Variants in EHBP1 observed in about 807,000 individuals in gnomAD.
The protein encoded by EHBP1 is EH domain-binding protein 1.
In EHBP1, 55 loss-of-function variants were observed where a neutral mutation model predicts 144.0. The observed-to-expected ratio is 0.38, with a 90% CI of 0.31 to 0.48. The LOEUF is 0.48. Among genes scored for constraint, EHBP1 ranks in the 20% least tolerant of loss-of-function variants. The pLI is 0.98. For missense variants in EHBP1, 1,200 were observed against 1,364.2 expected, an observed-to-expected ratio of 0.88 and a Z score of 1.90; for synonymous variants, 469 against 472.7, an observed-to-expected ratio of 0.99 and a Z score of 0.10.
rs138047707 is a variant in EHBP1, at chr2:62,800,490, T to G, written c.313-25597T>G. Among the ~76,000 whole-genome samples the G allele has an allele frequency of 3.8e-4, 58 of 152,324 alleles. No homozygotes were observed. In the East Asian group the frequency reaches 0.011, roughly 29 times the overall value. On this transcript the variant is annotated intron_variant, in intron 5 of 22. Coordinates refer to ENST00000431489, the MANE Select transcript of EHBP1 (RefSeq NM_001142616.3). ...TCCTAAGATTTGCTGGTTAAATAAT[T>G]ATAAAGACCATTGGATTGTGTTTTA...
chr2:63,037,502 G>T, intron 19 of EHBP1, 33 bp from the exon 20 acceptor site: 1 of 1,452,404 alleles, frequency 6.9e-7, no homozygotes. Context: ...TTTTAACATC[G>T]TATAGTAAAA....
intron 21 of EHBP1, among the ~76,000 whole-genome samples, chr2:63,043,126 T>C (rs1240549077): frequency 6.6e-6 from 1 of 152,144 alleles, no homozygotes; most frequent in African/African-American, 2.4e-5. Flanking sequence ...TTAGACTAGA[T>C]GACCTTTAAG....
intron 10 of EHBP1, among the ~76,000 whole-genome samples, chr2:62,914,958 T>C (rs1271500958): frequency 6.6e-6 from 1 of 152,076 alleles, no homozygotes; most frequent in Non-Finnish European, 1.5e-5. Flanking sequence ...TAAAATGGCC[T>C]AAGTATTGCC....
At chr2:62,757,426 C>CTTTTTTTTTTTTTTTTTTTTT (rs555494268) in intron 3 of EHBP1, among the ~76,000 whole-genome samples, 1 of 113,036 alleles carries the variant, frequency 8.8e-6, no homozygotes, top group Non-Finnish European at 1.8e-5. Context: ...TTTTTTTTTT[C>CTTTTTTTTTTTTTTTTTTTTT]TTTTTTTTTT....
intron 19 of EHBP1, among the ~76,000 whole-genome samples, chr2:63,017,314 G>A (rs752670469): frequency 1.3e-5 from 2 of 152,102 alleles, no homozygotes; most frequent in South Asian, 2.1e-4. Context: ...ATGAGCCACC[G>A]TCCCCGGCCC....
At chr2:62,964,397 A>G (rs1430418158) in intron 14 of EHBP1, among the ~76,000 whole-genome samples, 2 of 152,202 alleles carry the variant, frequency 1.3e-5, no homozygotes, top group Admixed American at 1.3e-4. Flanking sequence ...GAATATCACC[A>G]TTACTAAAGC....
At chr2:62,904,997 A>G (rs1026646141) in intron 10 of EHBP1, among the ~76,000 whole-genome samples, 2 of 152,228 alleles carry the variant, frequency 1.3e-5, no homozygotes. Context: ...GTCTTCAGAT[A>G]TGATCAGAAA....
intron 9 of EHBP1, among the ~76,000 whole-genome samples, chr2:62,866,739 C>A (rs2050074568): frequency 6.6e-6 from 1 of 152,044 alleles, no homozygotes; most frequent in South Asian, 2.1e-4. Flanking sequence ...AACTGTGGAA[C>A]AACTTCAGTG....
At chr2:63,029,711 T>A (rs1468682927) in intron 19 of EHBP1, among the ~76,000 whole-genome samples, 1 of 152,114 alleles carries the variant, frequency 6.6e-6, no homozygotes, top group Non-Finnish European at 1.5e-5. Context: ...CAATTTTTTT[T>A]AAAAGCTAAA....
chr2:62,857,342 G>A (rs1264216806), intron 7 of EHBP1, among the ~76,000 whole-genome samples: 1 of 152,140 alleles, frequency 6.6e-6, no homozygotes, highest in Non-Finnish European at 1.5e-5. Context: ...ACAATACCAT[G>A]TTTGTTTTTG....
intron 14 of EHBP1, among the ~76,000 whole-genome samples, chr2:62,976,676 C>T (rs1489095468): frequency 2.0e-5 from 3 of 151,990 alleles, no homozygotes; most frequent in African/African-American, 7.3e-5. Flanking sequence ...TCTAGGGTAC[C>T]TCTTCAAATG....
rs567215788 is a variant in EHBP1, at chr2:62,883,857, G to A, written c.1185+9325G>A. 3.3e-5 allele frequency among the ~76,000 whole-genome samples: 5 copies of A among 152,300 alleles called. No homozygotes were observed. The East Asian group carries it at 9.7e-4, about 29-fold the overall frequency. ...ATCATGGCTCACGCCTGTATTCCCA[G>A]TTACTTGGGAGGTTAAGGTGGGAGG... On this transcript the variant is annotated intron_variant, in intron 10 of 22. Coordinates refer to ENST00000431489, the MANE Select transcript of EHBP1 (RefSeq NM_001142616.3).
At chr2:62,898,171 C>T (rs996572853) in intron 10 of EHBP1, among the ~76,000 whole-genome samples, 8 of 152,044 alleles carry the variant, frequency 5.3e-5, no homozygotes, top group East Asian at 1.9e-4. Flanking sequence ...TTCTGATTCG[C>T]GGGAGTGACA....
At position 62,979,315 on chromosome 2, in the gene EHBP1, A is replaced by C; in HGVS notation, c.2588A>C (p.Glu863Ala). The C allele has an allele frequency of 5.6e-6, 9 of 1,613,878 alleles. No homozygotes were observed. The highest frequency in any genetic ancestry group is 7.6e-6 in the Non-Finnish European group (9 of 1,179,850). Reference protein sequence around the residue: ...YGEMAAEKLKERSKASGEQNS... With the variant: ...YGEMAAEKLKARSKASGEQNS... ...GAAATGGCTGCAGAAAAGTTGAAAG[A>C]AAGGTCAAAGGCATCTGGAGGTGAG... The change falls in exon 15 of 23, where the codon GAA (glutamate) becomes GCA (alanine). Residue 863 changes from glutamate to alanine, a missense_variant. By Grantham distance (107) the Glu-to-Ala change is moderately radical. Around this residue, in one of 6 missense-constraint regions of EHBP1, gnomAD observed 543 missense variants for 513.1 expected, o/e 1.06. Transcript: ENST00000431489.
chr2:63,032,301 C>A (rs13393350), intron 19 of EHBP1, among the ~76,000 whole-genome samples: 1 of 149,312 alleles, frequency 6.7e-6, no homozygotes, highest in African/African-American at 2.5e-5. Context: ...GGGCGCGGTG[C>A]CTCACGCCTG....
At chr2:62,909,626 A>T (rs1025823099) in intron 10 of EHBP1, among the ~76,000 whole-genome samples, 2 of 152,256 alleles carry the variant, frequency 1.3e-5, no homozygotes, top group Middle Eastern at 3.2e-3. Flanking sequence ...TGGAAATGTC[A>T]GCTGGCAAAA....
intron 2 of EHBP1, among the ~76,000 whole-genome samples, chr2:62,734,289 C>T (rs2037896499): frequency 6.6e-6 from 1 of 151,470 alleles, no homozygotes; most frequent in Non-Finnish European, 1.5e-5. Flanking sequence ...GAAATTCACT[C>T]ATGTTTTCTT....
At chr2:62,954,635 A>G (rs1403351172) in intron 13 of EHBP1, among the ~76,000 whole-genome samples, 1 of 152,200 alleles carries the variant, frequency 6.6e-6, no homozygotes, top group Non-Finnish European at 1.5e-5. Context: ...AAAAATGCTG[A>G]ACTAATCTTA....
At position 62,942,566 on chromosome 2, in the gene EHBP1, C is replaced by G. The variant is rs1370182758; in HGVS notation, c.1186-152C>G. ...TGAAGATAATTTAAGATTTATGTCTCCCTCTTGGAGGTTACAGTTGTCGTG... is the reference window on the plus strand; with the variant it reads ...TGAAGATAATTTAAGATTTATGTCTGCCTCTTGGAGGTTACAGTTGTCGTG... On this transcript the variant is annotated intron_variant, in intron 10 of 22. Transcript: ENST00000431489. The G allele has an allele frequency of 7.0e-5, 39 of 555,276 alleles. No homozygotes were observed. In the Admixed American group the frequency reaches 1.6e-3, roughly 22 times the overall value. 34.4% of individuals were successfully genotyped at this position (555,276 alleles called of 1,614,324 possible). A position where few individuals can be genotyped will look rare whatever the true frequency, so the allele number is the denominator to read the frequency against.
Sources: allele counts gnomAD v4.1 joint callset (sites outside exome capture counted in the v4.1 genomes callset), GRCh38; gene constraint gnomAD v4.1.1; regional missense constraint gnomAD v4.1.1; transcripts MANE v1.5; gene names NCBI Gene and HGNC (gene_info 2026-07-23, HGNC 2026-07-21).